Variants in NELL1 observed in about 807,000 individuals in gnomAD.
NELL1 encodes the protein protein kinase C-binding protein NELL1.
In NELL1, 76 loss-of-function variants were observed where a neutral mutation model predicts 107.4. The ratio of observed to expected loss-of-function variants is 0.71; its 90% CI spans 0.59 to 0.86. The LOEUF (loss-of-function observed/expected upper bound fraction) is 0.86, where lower values mean the gene tolerates loss of function less well. NELL1 is among the 40% of genes least tolerant of loss of function. NELL1 has a pLI of 0.00. For synonymous variants in NELL1, 353 were observed against 341.2 expected (o/e 1.03, Z -0.38); for missense variants, 1,024 against 1,005.5 (o/e 1.02, Z -0.25).
intron 13 of NELL1, among the ~76,000 whole-genome samples, chr11:21,174,893 A>G (rs906929945): frequency 4.0e-5 from 6 of 151,700 alleles, no homozygotes; most frequent in Non-Finnish European, 7.4e-5. Flanking sequence ...TATGATTGGG[A>G]TAACCTTGAG....
intron 14 of NELL1, among the ~76,000 whole-genome samples, chr11:21,363,556 T>A (rs1464504593): frequency 1.3e-5 from 2 of 152,138 alleles, no homozygotes; most frequent in African/African-American, 4.8e-5. Context: ...ATGGTGTGAG[T>A]CTCCAAATGC....
chr11:21,359,429 A>G (rs1851021164), intron 14 of NELL1, among the ~76,000 whole-genome samples: 1 of 152,176 alleles, frequency 6.6e-6, no homozygotes, highest in African/African-American at 2.4e-5. Context: ...AGATGTATGC[A>G]TCTATGTTCA....
At chr11:21,065,784 T>C (rs1245383405) in intron 12 of NELL1, among the ~76,000 whole-genome samples, 3 of 152,222 alleles carry the variant, frequency 2.0e-5, no homozygotes, top group Admixed American at 6.5e-5. Context: ...GAATAAGTGC[T>C]TTTGAGATTA....
intron 2 of NELL1, among the ~76,000 whole-genome samples, chr11:20,767,863 G>T (rs1856563762): frequency 6.6e-6 from 1 of 152,162 alleles, no homozygotes; most frequent in Admixed American, 6.5e-5. Flanking sequence ...TAGCAAAGAT[G>T]GCCAATGGCC....
intron 12 of NELL1, among the ~76,000 whole-genome samples, chr11:21,059,737 A>G (rs1260363553): frequency 2.6e-5 from 4 of 152,104 alleles, no homozygotes; most frequent in Non-Finnish European, 5.9e-5. Flanking sequence ...ATGAGTAAAC[A>G]GGTTTGCCTT....
chr11:21,093,966 C>G (rs115053121), intron 12 of NELL1, among the ~76,000 whole-genome samples: 1,659 of 152,288 alleles, frequency 0.011, 28 homozygotes, highest in African/African-American at 0.038. Context: ...GCATTCCCAA[C>G]AGTCCCCCAG....
chr11:21,218,502 A>T (rs1342150090), intron 13 of NELL1, among the ~76,000 whole-genome samples: 1 of 152,126 alleles, frequency 6.6e-6, no homozygotes, highest in Admixed American at 6.5e-5. Context: ...AAAATTCAAA[A>T]TTCTATTTTC....
chr11:21,191,369 G>A (rs1380821770), intron 13 of NELL1, among the ~76,000 whole-genome samples: 1 of 151,688 alleles, frequency 6.6e-6, no homozygotes, highest in Non-Finnish European at 1.5e-5. Context: ...ACAAGCCAAA[G>A]AATGCAGGCA....
At chr11:21,250,072 T>G (rs2133909117) in intron 14 of NELL1, among the ~76,000 whole-genome samples, 1 of 152,318 alleles carries the variant, frequency 6.6e-6, no homozygotes, top group Non-Finnish European at 1.5e-5. Context: ...AGTCTTAAAA[T>G]ATTTTTTACT....
intron 14 of NELL1, among the ~76,000 whole-genome samples, chr11:21,240,361 G>A (rs1858320798): frequency 6.6e-6 from 1 of 151,884 alleles, no homozygotes; most frequent in Admixed American, 6.6e-5. Context: ...TTTAGATGTG[G>A]GGGTATTAGT....
chr11:21,331,086 T>C lies in NELL1; in HGVS notation c.1550-39767T>C, dbSNP rs375346574. 3.6e-3 allele frequency among the ~76,000 whole-genome samples: 545 copies of C among 152,222 alleles called. 10 individuals carry two copies. In the South Asian group the frequency reaches 0.057, roughly 16 times the overall value. ...TCTTGTAAAAATAATTCTTATTTTT[T>C]ATTTGATGAGATATTGCCCTCATAT... On this transcript the variant is annotated intron_variant, in intron 14 of 19. Transcript: ENST00000357134.
intron 15 of NELL1, among the ~76,000 whole-genome samples, chr11:21,430,877 C>G (rs1852948256): frequency 6.6e-6 from 1 of 152,086 alleles, no homozygotes. Context: ...CCTACCAGAC[C>G]AAGCAACTTT....
At chr11:21,465,554 G>A (rs867418632) in intron 15 of NELL1, among the ~76,000 whole-genome samples, 6 of 151,842 alleles carry the variant, frequency 4.0e-5, no homozygotes, top group Admixed American at 6.6e-5. Flanking sequence ...CATATCAATC[G>A]TCACCTTATA....
At chr11:21,463,417 T>C (rs897703410) in intron 15 of NELL1, among the ~76,000 whole-genome samples, 1 of 152,110 alleles carries the variant, frequency 6.6e-6, no homozygotes, top group East Asian at 1.9e-4. Flanking sequence ...TGCAGATGAT[T>C]GTGGGACCAC....
At chr11:20,971,329 A>G (rs749154571) in intron 12 of NELL1, among the ~76,000 whole-genome samples, 6 of 152,150 alleles carry the variant, frequency 3.9e-5, no homozygotes, top group Non-Finnish European at 8.8e-5. Context: ...TAGCATTTTT[A>G]TGTAGCAAAA....
intron 2 of NELL1, among the ~76,000 whole-genome samples, chr11:20,726,684 T>C (rs12362312): frequency 0.11 from 17,019 of 152,138 alleles, 1,096 homozygotes; most frequent in Non-Finnish European, 0.15. Context: ...GCCATGTTGG[T>C]TTGCTGCACC....
At chr11:21,442,341 G>A (rs1020543543) in intron 15 of NELL1, among the ~76,000 whole-genome samples, 1 of 152,028 alleles carries the variant, frequency 6.6e-6, no homozygotes, top group Non-Finnish European at 1.5e-5. Context: ...TATGTTAAAC[G>A]GTAGAAAATA....
At chr11:20,777,826 T>G (rs5004445) in intron 2 of NELL1, among the ~76,000 whole-genome samples, 46,603 of 151,752 alleles carry the variant, frequency 0.31, 8,770 homozygotes, top group African/African-American at 0.54. Context: ...GGTGCATTTT[T>G]TGTTTATATG....
intron 12 of NELL1, among the ~76,000 whole-genome samples, chr11:21,063,403 C>T (rs1220002857): frequency 6.6e-6 from 1 of 152,176 alleles, no homozygotes; most frequent in African/African-American, 2.4e-5. Context: ...TGAACTCAAT[C>T]TCTAGTCCCC....
Sources: gnomAD v4.1 joint callset for allele counts (sites outside exome capture counted in the v4.1 genomes callset) on GRCh38, gnomAD v4.1.1 for gene constraint, MANE v1.5 for transcripts, NCBI Gene and HGNC (gene_info 2026-07-23, HGNC 2026-07-21) for gene names.